Variants in INPP4B observed in about 807,000 individuals in gnomAD.
INPP4B encodes the protein inositol polyphosphate 4-phosphatase type II.
INPP4B carries 55 observed loss-of-function variants against 122.5 expected under a neutral mutation model. The ratio of observed to expected loss-of-function variants is 0.45; its 90% CI spans 0.36 to 0.56. The LOEUF (loss-of-function observed/expected upper bound fraction) is 0.56. Among genes scored for constraint, INPP4B ranks in the 20% least tolerant of loss-of-function variants. The probability of loss-of-function intolerance (pLI) is 0.00; values close to 1 mark genes in which losing one functional copy is unlikely to be tolerated. For synonymous variants in INPP4B, 403 were observed against 388.7 expected, an observed-to-expected ratio of 1.04 and a Z score of -0.43; for missense variants, 1,000 against 1,097.7, an observed-to-expected ratio of 0.91 and a Z score of 1.26.
intron 6 of INPP4B, 91 bp from the exon 7 acceptor site, chr4:142,403,145 G>A (rs1323439410): frequency 2.7e-6 from 2 of 744,254 alleles, no homozygotes; most frequent in African/African-American, 3.5e-5. Flanking sequence ...CAGAAAGTGT[G>A]CCTGAGTCTG....
At chr4:142,548,269 G>A (rs1431959371) in intron 2 of INPP4B, among the ~76,000 whole-genome samples, 1 of 152,166 alleles carries the variant, frequency 6.6e-6, no homozygotes, top group East Asian at 1.9e-4. Context: ...AGACTCAATG[G>A]CTAATGTGTA....
intron 23 of INPP4B, among the ~76,000 whole-genome samples, chr4:142,087,351 C>A (rs1444388860): frequency 6.6e-6 from 1 of 152,194 alleles, no homozygotes; most frequent in African/African-American, 2.4e-5. Context: ...TTTCTGCATA[C>A]TAACAACTAA....
Position 142,366,259 on chromosome 4 carries a change from C to T in INPP4B, c.372+36679G>A, listed in dbSNP as rs1787428086. ...AAAACCTATAAGAACTAATGATAAT[C>T]CACCACCCTTTGCTGACTCCTTTTT... On this transcript the variant is annotated intron_variant, in intron 7 of 25. Transcript: ENST00000262992. Among the ~76,000 whole-genome samples the T allele has an allele frequency of 2.0e-5, 3 of 151,990 alleles. No homozygotes were observed. In the South Asian group the frequency reaches 6.2e-4, roughly 32 times the overall value.
At chr4:142,431,798 T>A (rs1235119934) in intron 3 of INPP4B, among the ~76,000 whole-genome samples, 2 of 152,082 alleles carry the variant, frequency 1.3e-5, no homozygotes, top group East Asian at 3.9e-4. Context: ...TGCTCATCTC[T>A]CCATCCACCC....
intron 2 of INPP4B, among the ~76,000 whole-genome samples, chr4:142,629,490 G>A (rs1219577378): frequency 6.6e-6 from 1 of 152,034 alleles, no homozygotes; most frequent in East Asian, 1.9e-4. Context: ...AAACCCTAGA[G>A]TGCGTGAGTG....
intron 25 of INPP4B, among the ~76,000 whole-genome samples, chr4:142,049,432 A>G (rs913541857): frequency 6.6e-6 from 1 of 152,048 alleles, no homozygotes; most frequent in Non-Finnish European, 1.5e-5. Flanking sequence ...TTTATGCCTG[A>G]AAGAAGTTAT....
chr4:142,753,197 C>A (rs1769991725), intron 1 of INPP4B, among the ~76,000 whole-genome samples: 1 of 152,014 alleles, frequency 6.6e-6, no homozygotes, highest in East Asian at 1.9e-4. Context: ...GGACTTATAC[C>A]AATTAGTTAT....
intron 3 of INPP4B, among the ~76,000 whole-genome samples, chr4:142,431,674 A>C (rs1714548700): frequency 6.6e-6 from 1 of 152,180 alleles, no homozygotes; most frequent in South Asian, 2.1e-4. Flanking sequence ...AGGGGCTGCT[A>C]ACTTAGTATA....
chr4:142,646,174 ATGT>A (rs1751738080), intron 2 of INPP4B, among the ~76,000 whole-genome samples: 1 of 152,194 alleles, frequency 6.6e-6, no homozygotes, highest in South Asian at 2.1e-4. Flanking sequence ...GGTATTTTTA[ATGT>A]TGGTGCATTT....
intron 25 of INPP4B, among the ~76,000 whole-genome samples, chr4:142,031,067 A>T (rs1011542550): frequency 3.3e-5 from 5 of 151,980 alleles, no homozygotes; most frequent in African/African-American, 9.7e-5. Flanking sequence ...CTGTGTAAAT[A>T]AAAAAAAGTA....
chr4:142,514,842 C>A (rs924828245), intron 2 of INPP4B, among the ~76,000 whole-genome samples: 3 of 141,986 alleles, frequency 2.1e-5, no homozygotes, highest in Admixed American at 7.5e-5. Flanking sequence ...GTCACCCAGG[C>A]TGGAATGCAG....
chr4:142,134,593 C>T (rs999416407), intron 18 of INPP4B, among the ~76,000 whole-genome samples: 7 of 151,952 alleles, frequency 4.6e-5, no homozygotes, highest in East Asian at 1.9e-4. Flanking sequence ...GTCGGGAGTT[C>T]GAGATCAGCC....
intron 17 of INPP4B, among the ~76,000 whole-genome samples, chr4:142,159,908 G>A (rs1213837657): frequency 2.6e-5 from 4 of 151,888 alleles, no homozygotes; most frequent in Admixed American, 1.3e-4. Flanking sequence ...AGGGATTTGC[G>A]AGATATCTAT....
chr4:142,030,987 G>A (rs1206474522), intron 25 of INPP4B, among the ~76,000 whole-genome samples: 3 of 152,000 alleles, frequency 2.0e-5, no homozygotes, highest in African/African-American at 7.2e-5. Context: ...CATCTCATCT[G>A]AAAAGAGACC....
chr4:142,678,332 T>G (rs534578463), intron 2 of INPP4B, among the ~76,000 whole-genome samples: 2 of 151,996 alleles, frequency 1.3e-5, no homozygotes, highest in South Asian at 4.1e-4. Context: ...AATATTTACT[T>G]CATGATACCC....
In INPP4B at chr4:142,376,754, T is replaced by C. The variant is rs1443629115; in HGVS notation, c.372+26184A>G. Among the ~76,000 whole-genome samples, 3 of 152,036 alleles carry C rather than the reference T, an allele frequency of 2.0e-5. No individual in the cohort carries two copies. The East Asian group carries it at 5.8e-4, about 29-fold the overall frequency. On this transcript the variant is annotated intron_variant, in intron 7 of 25. Coordinates refer to ENST00000262992, the MANE Select transcript of INPP4B (RefSeq NM_001101669.3). ...GAGAAACTTCCTATAGTTCAGTGGA[T>C]TCATGGTGGAAAACTCTGAATCTGG... is the stretch of plus-strand genomic sequence containing the variant.
intron 2 of INPP4B, among the ~76,000 whole-genome samples, chr4:142,563,320 G>A (rs180869420): frequency 4.4e-4 from 67 of 152,254 alleles, no homozygotes; most frequent in African/African-American, 1.6e-3. Context: ...CTAAATCCAA[G>A]TATTTAATGG....
At chr4:142,471,637 G>A (rs1818845071) in intron 2 of INPP4B, among the ~76,000 whole-genome samples, 1 of 152,226 alleles carries the variant, frequency 6.6e-6, no homozygotes, top group South Asian at 2.1e-4. Flanking sequence ...AGTGGGGGCA[G>A]AGGTTCTGCC....
chr4:142,650,037 C>A (rs544919281), intron 2 of INPP4B, among the ~76,000 whole-genome samples: 4 of 152,298 alleles, frequency 2.6e-5, no homozygotes, highest in Admixed American at 6.5e-5. Flanking sequence ...ACCCTTCAAG[C>A]CAGAATAGAG....
Sources: gnomAD v4.1 joint callset for allele counts (sites outside exome capture counted in the v4.1 genomes callset) on GRCh38, gnomAD v4.1.1 for gene constraint, MANE v1.5 for transcripts, NCBI Gene and HGNC (gene_info 2026-07-23, HGNC 2026-07-21) for gene names.